CNBD1: variants seen among roughly 807,000 people sequenced by gnomAD.
The protein encoded by CNBD1 is cyclic nucleotide-binding domain-containing protein 1.
CNBD1 carries 71 observed loss-of-function variants against 54.4 expected under a neutral mutation model. That is an observed-to-expected ratio of 1.30 (90% CI 1.08 to 1.59). The LOEUF (loss-of-function observed/expected upper bound fraction) is 1.59, where lower values mean the gene tolerates loss of function less well. CNBD1 is among the 40% of genes most tolerant of loss of function. CNBD1 has a pLI of 0.00. For synonymous variants in CNBD1, 182 were observed against 170.7 expected (o/e 1.07, Z -0.51); for missense variants, 659 against 518.0 (o/e 1.27, Z -2.64).
At chr8:87,283,156 C>T (rs1261911839) in intron 6 of CNBD1, among the ~76,000 whole-genome samples, 2 of 151,926 alleles carry the variant, frequency 1.3e-5, no homozygotes, top group Non-Finnish European at 2.9e-5. Flanking sequence ...GTATATTATC[C>T]ATGTAATGAA....
At chr8:87,238,720 G>A (rs745888981) in intron 6 of CNBD1, among the ~76,000 whole-genome samples, 46 of 151,522 alleles carry the variant, frequency 3.0e-4, no homozygotes, top group Non-Finnish European at 5.5e-4. Context: ...CCTACCTACC[G>A]GCCTATTTAT....
intron 2 of CNBD1, among the ~76,000 whole-genome samples, chr8:86,893,972 A>G (rs2131796309): frequency 6.8e-6 from 1 of 147,324 alleles, no homozygotes; most frequent in African/African-American, 2.5e-5. Flanking sequence ...ATCTCTTCTC[A>G]TCTTAATTCC....
intron 4 of CNBD1, among the ~76,000 whole-genome samples, chr8:86,976,689 A>G (rs763243966): frequency 2.6e-5 from 4 of 151,852 alleles, no homozygotes; most frequent in Non-Finnish European, 5.9e-5. Context: ...CTTTCCATTT[A>G]TTTGTGTTTT....
At chr8:87,397,252 A>G (rs112494298) in intron 2 of CNBD1, among the ~76,000 whole-genome samples, 2,271 of 152,006 alleles carry the variant, frequency 0.015, 57 homozygotes, top group African/African-American at 0.049. Flanking sequence ...TATTTATACT[A>G]TTAGGAGAAA....
chr8:87,227,837 T>G (rs1334641626), intron 5 of CNBD1, among the ~76,000 whole-genome samples: 2 of 148,366 alleles, frequency 1.3e-5, no homozygotes, highest in Non-Finnish European at 3.0e-5. Context: ...GCAGAGTGTT[T>G]TCTAACTTGG....
At chr8:87,111,689 T>C (rs1811665422) in intron 4 of CNBD1, among the ~76,000 whole-genome samples, 1 of 152,154 alleles carries the variant, frequency 6.6e-6, no homozygotes, top group Non-Finnish European at 1.5e-5. Flanking sequence ...TTGGGTTATA[T>C]AGTAAGTAGT....
intron 4 of CNBD1, among the ~76,000 whole-genome samples, chr8:87,134,688 C>T (rs1219499989): frequency 6.7e-6 from 1 of 148,548 alleles, no homozygotes; most frequent in Non-Finnish European, 1.5e-5. Flanking sequence ...CTGCAAGCTC[C>T]GCCTCCTGGG....
At chr8:87,340,996 ACTAT>A (rs1408975382) in intron 8 of CNBD1, among the ~76,000 whole-genome samples, 2 of 152,068 alleles carry the variant, frequency 1.3e-5, no homozygotes, top group South Asian at 2.1e-4. Context: ...TGAAAATACA[ACTAT>A]CTATCTCTTT....
chr8:87,381,767 C>A (rs1450840145), intron 10 of CNBD1, among the ~76,000 whole-genome samples: 1 of 151,852 alleles, frequency 6.6e-6, no homozygotes, highest in Non-Finnish European at 1.5e-5. Context: ...ATCCCCAAAC[C>A]TGACCACTCA....
At chr8:87,223,040 A>G (rs911103928) in intron 5 of CNBD1, among the ~76,000 whole-genome samples, 2 of 138,616 alleles carry the variant, frequency 1.4e-5, no homozygotes, top group Non-Finnish European at 3.1e-5. Flanking sequence ...TTGTTTCCTT[A>G]TTGTCTGATT....
At chr8:87,256,921 A>G (rs749200189) in intron 6 of CNBD1, among the ~76,000 whole-genome samples, 16 of 151,948 alleles carry the variant, frequency 1.1e-4, no homozygotes, top group Non-Finnish European at 1.5e-4. Flanking sequence ...ATAAGATCCA[A>G]TCTTCGGGTT....
chr8:86,902,057 C>A (rs1274865763), intron 2 of CNBD1, among the ~76,000 whole-genome samples: 1 of 152,108 alleles, frequency 6.6e-6, no homozygotes, highest in African/African-American at 2.4e-5. Context: ...TTATATGCAT[C>A]ATTTCCTTAT....
rs922545323 is a variant in CNBD1, at chr8:87,416,942, G to A, written c.214-11604G>A. Among the ~76,000 whole-genome samples the A allele has an allele frequency of 5.9e-5, 9 of 151,990 alleles. 1 individual carries two copies. The South Asian group carries it at 1.7e-3, about 28-fold the overall frequency. On this transcript the variant is annotated intron_variant, in intron 2 of 7. Transcript: ENST00000521593. The stretch of plus-strand genomic sequence containing the variant: ...CCATGTCCAAATAGAATTTATCCCA[G>A]AAATGCAGTCTGTATCTGAGGTTCA...
At chr8:87,322,485 T>C (rs1438497374) in intron 8 of CNBD1, among the ~76,000 whole-genome samples, 1 of 122,424 alleles carries the variant, frequency 8.2e-6, no homozygotes, top group Non-Finnish European at 1.8e-5. Flanking sequence ...GACTTTTTAA[T>C]GATTGCCATT....
chr8:87,384,584 G>A (rs539253487), downstream of CNBD1, among the ~76,000 whole-genome samples: 229 of 152,216 alleles, frequency 1.5e-3, no homozygotes, highest in Non-Finnish European at 2.5e-3. Context: ...TAAAGTCTTA[G>A]TTCTTTAACT....
At position 87,142,295 on chromosome 8, in the gene CNBD1, T is replaced by A. The variant is rs144016809; in HGVS notation, c.432-63698T>A. 4.3e-3 allele frequency among the ~76,000 whole-genome samples: 649 copies of A among 152,270 alleles called. 3 individuals carry two copies. The highest frequency in any genetic ancestry group is 0.015 in the African/African-American group (619 of 41,570). On this transcript the variant is annotated intron_variant, in intron 4 of 10. Transcript: ENST00000518476. ...AAGTGAGGTTGGGAATAATCAGTAATGAAGTCCTTTGCCACAATTTTATGT... is the reference window on the plus strand; with the variant it reads ...AAGTGAGGTTGGGAATAATCAGTAAAGAAGTCCTTTGCCACAATTTTATGT...
chr8:86,916,197 CAGA>C (rs1313689725), intron 3 of CNBD1, among the ~76,000 whole-genome samples: 2 of 152,048 alleles, frequency 1.3e-5, no homozygotes, highest in African/African-American at 2.4e-5. Context: ...GGGCATGAGG[CAGA>C]AGGAGAGACT....
intron 8 of CNBD1, among the ~76,000 whole-genome samples, chr8:87,288,243 T>C (rs1808731331): frequency 6.6e-6 from 1 of 152,050 alleles, no homozygotes; most frequent in African/African-American, 2.4e-5. Context: ...CTTATAATAA[T>C]TTTTCACCAT....
chr8:87,425,339 C>T (rs1586095677), intron 2 of CNBD1, among the ~76,000 whole-genome samples: 1 of 152,188 alleles, frequency 6.6e-6, no homozygotes, highest in Admixed American at 6.5e-5. Context: ...ATTCTCCGTC[C>T]AGCTTTGTTC....
Sources: allele counts gnomAD v4.1 joint callset (sites outside exome capture counted in the v4.1 genomes callset), GRCh38; gene constraint gnomAD v4.1.1; transcripts MANE v1.5; gene names NCBI Gene and HGNC (gene_info 2026-07-23, HGNC 2026-07-21).